The following VPS13A variants were observed in gnomAD, a reference collection of about 807,000 sequenced individuals.
VPS13A encodes intermembrane lipid transfer protein VPS13A.
In VPS13A, 264 loss-of-function variants were observed where a neutral mutation model predicts 390.9. The observed-to-expected ratio is 0.68, with a 90% CI of 0.61 to 0.75. The LOEUF (loss-of-function observed/expected upper bound fraction) is 0.75, where lower values mean the gene tolerates loss of function less well. Ranked by LOEUF, VPS13A falls within the 30% of genes least tolerant of loss-of-function variation. The pLI is 0.00. For missense variants in VPS13A, 3,409 were observed against 3,733.9 expected (o/e 0.91, Z 2.27); for synonymous variants, 1,231 against 1,227.1 (o/e 1.00, Z -0.07).
chr9:77,244,308 G>A (rs1045358211), intron 19 of VPS13A, among the ~76,000 whole-genome samples: 5 of 151,966 alleles, frequency 3.3e-5, no homozygotes, highest in Non-Finnish European at 7.4e-5. Context: ...CCTAGGAAGA[G>A]GTCTCTCTCT....
In VPS13A at chr9:77,293,528, A is replaced by G; in HGVS notation, c.3507+20A>G. 7.5e-7 allele frequency: 1 copy of G among 1,338,010 alleles called. No homozygotes were observed. Among genetic ancestry groups the G allele is most frequent in the Non-Finnish European group, 9.9e-7 (1 of 1,008,338 alleles). The allele number at this position is 1,338,010 out of a possible 1,614,324, so 82.9% of individuals were successfully genotyped here. On this transcript the variant is annotated intron_variant, in intron 32 of 71. Coordinates refer to ENST00000360280, the MANE Select transcript of VPS13A (RefSeq NM_033305.3). The stretch of plus-strand genomic sequence containing the variant: ...ATATTGGTAAGTATTTTATTAAATT[A>G]TTATTTATTTTATACTAATTGGAAA...
At chr9:77,284,282 C>T (rs975590738) in intron 31 of VPS13A, among the ~76,000 whole-genome samples, 1 of 152,064 alleles carries the variant, frequency 6.6e-6, no homozygotes, top group South Asian at 2.1e-4. Flanking sequence ...TCAGGAAAAA[C>T]TGAAGTACTT....
At chr9:77,410,325 C>T (rs1307292658) in intron 71 of VPS13A, among the ~76,000 whole-genome samples, 17 of 152,180 alleles carry the variant, frequency 1.1e-4, no homozygotes, top group Admixed American at 1.1e-3. Context: ...CAACCGGTAC[C>T]AGCCACTGCA....
At chr9:77,397,011 C>T (rs181417913) in intron 68 of VPS13A, among the ~76,000 whole-genome samples, 21 of 152,196 alleles carry the variant, frequency 1.4e-4, no homozygotes, top group Admixed American at 5.2e-4. Context: ...GTTTTTGAGA[C>T]GGAGTCTCGC....
Position 77,339,622 on chromosome 9 carries a change from A to T in VPS13A, c.6485A>T (p.Asn2162Ile), listed in dbSNP as rs769503145. The T allele has an allele frequency of 1.9e-6, 3 of 1,613,442 alleles. No homozygotes were observed. Among genetic ancestry groups the T allele is most frequent in the Non-Finnish European group, 2.5e-6 (3 of 1,179,708 alleles). ...RLHLKLLDYL[N>I]HDWKSEYHIK... ...CATTTAAAATTACTTGACTATCTCA[A>T]TCACGATTGGAAAAGTGAATATCAC... Residue 2162 changes from asparagine to isoleucine, a missense_variant, in exon 48 of 72, where the codon AAT (asparagine) becomes ATT (isoleucine). Coordinates refer to ENST00000360280, the MANE Select transcript of VPS13A (RefSeq NM_033305.3).
intron 1 of VPS13A, among the ~76,000 whole-genome samples, chr9:77,198,737 C>A (rs1825149586): frequency 6.6e-6 from 1 of 152,036 alleles, no homozygotes; most frequent in South Asian, 2.1e-4. Flanking sequence ...GATGTCGGCT[C>A]ACTGCAACCT....
At position 77,337,394 on chromosome 9, in the gene VPS13A, A is replaced by C; in HGVS notation, c.6235A>C (p.Ile2079Leu). Reference sequence around the variant, plus strand: ...AAACCCTTCTAAGGAATCATTTCTCATTAATATTGTTCCAGAAAAAGATAA... The same window carrying C: ...AAACCCTTCTAAGGAATCATTTCTCCTTAATATTGTTCCAGAAAAAGATAA... ...SKNPSKESFL[I>L]NIVPEKDNLT... The change falls in exon 47 of 72, where the codon ATT (isoleucine) becomes CTT (leucine). Residue 2079 changes from isoleucine to leucine, a missense_variant. Ile to Leu is a conservative substitution (Grantham distance 5, BLOSUM62 2). This residue lies in a region of VPS13A where 2,717 missense variants were observed against 2,917.4 expected (regional missense o/e 0.93). Coordinates refer to ENST00000360280, the MANE Select transcript of VPS13A (RefSeq NM_033305.3). The C allele has an allele frequency of 6.2e-7, 1 of 1,612,770 alleles. No homozygotes were observed. Among genetic ancestry groups the C allele is most frequent in the Non-Finnish European group, 8.5e-7 (1 of 1,178,952 alleles).
chr9:77,358,510 T>C, intron 57 of VPS13A, 72 bp downstream of exon 57: 2 of 1,310,954 alleles, frequency 1.5e-6, no homozygotes, highest in Non-Finnish European at 2.2e-6. Context: ...TATAAAAATA[T>C]GAAGTGAAAC....
At chr9:77,223,681 T>C (rs1475679411) in intron 13 of VPS13A, among the ~76,000 whole-genome samples, 2 of 151,408 alleles carry the variant, frequency 1.3e-5, no homozygotes, top group Non-Finnish European at 2.9e-5. Flanking sequence ...ATAGCAGAGA[T>C]TGGTTCTTGA....
At chr9:77,227,693 T>G (rs992483241) in intron 16 of VPS13A, among the ~76,000 whole-genome samples, 15 of 146,188 alleles carry the variant, frequency 1.0e-4, no homozygotes, top group Admixed American at 1.4e-4. Context: ...TTTTTGTGGT[T>G]TTTTTTTTGT....
intron 22 of VPS13A, among the ~76,000 whole-genome samples, chr9:77,258,604 C>A (rs1031205106): frequency 2.0e-5 from 3 of 152,068 alleles, no homozygotes; most frequent in African/African-American, 7.2e-5. Flanking sequence ...GGAAAGAAAA[C>A]CATGCTACGC....
intron 52 of VPS13A, among the ~76,000 whole-genome samples, chr9:77,345,531 G>C (rs1303549549): frequency 6.6e-6 from 1 of 151,744 alleles, no homozygotes; most frequent in Middle Eastern, 3.2e-3. Flanking sequence ...GTACCCTCTT[G>C]TTGAGCTGTC....
intron 67 of VPS13A, among the ~76,000 whole-genome samples, chr9:77,377,203 G>GTTTTTTTTTTTTTTT (rs61562443): frequency 5.8e-5 from 4 of 69,050 alleles, no homozygotes; most frequent in Admixed American, 2.0e-4. Flanking sequence ...TTTTGATGCT[G>GTTTTTTTTTTTTTTT]TTTTTTTTTT....
At chr9:77,253,852 T>C (rs1825285028) in intron 22 of VPS13A, among the ~76,000 whole-genome samples, 1 of 152,000 alleles carries the variant, frequency 6.6e-6, no homozygotes, top group African/African-American at 2.4e-5. Context: ...AAGAGTTTTA[T>C]AGTTTTAGCT....
chr9:77,280,555 C>A (rs1196300440), intron 27 of VPS13A, among the ~76,000 whole-genome samples: 1 of 151,928 alleles, frequency 6.6e-6, no homozygotes, highest in Non-Finnish European at 1.5e-5. Flanking sequence ...TTATGTGATA[C>A]AAGATGATGC....
intron 1 of VPS13A, among the ~76,000 whole-genome samples, chr9:77,180,634 G>A (rs1265339290): frequency 6.6e-6 from 1 of 152,104 alleles, no homozygotes; most frequent in Non-Finnish European, 1.5e-5. Context: ...AGGTTCATTT[G>A]TTTGCATGTG....
At position 77,369,306 on chromosome 9, in the gene VPS13A, A is replaced by G; in HGVS notation, c.8561A>G (p.Lys2854Arg). The stretch of plus-strand genomic sequence containing the variant: ...TTCATATTTTATTTTTAGGCCATTA[A>G]GCAGATGTATGTACTCATTCTTGGA... ...VIRHYSKQAI[K>R]QMYVLILGLD... The change falls in exon 63 of 72, where the codon AAG becomes AGG. Residue 2854 changes from lysine to arginine, a missense_variant. Transcript: ENST00000360280. The G allele has an allele frequency of 1.2e-6, 2 of 1,608,318 alleles. No homozygotes were observed. The highest frequency in any genetic ancestry group is 1.3e-5 in the African/African-American group (1 of 74,962).
chr9:77,312,374 G>C (rs982354162), intron 35 of VPS13A, among the ~76,000 whole-genome samples: 2 of 151,716 alleles, frequency 1.3e-5, no homozygotes, highest in African/African-American at 4.8e-5. Flanking sequence ...ATACTTGAGA[G>C]AGGATGCTAT....
chr9:77,272,873 C>G (rs1250531380), intron 23 of VPS13A, among the ~76,000 whole-genome samples: 1 of 152,036 alleles, frequency 6.6e-6, no homozygotes, highest in Non-Finnish European at 1.5e-5. Flanking sequence ...TTTCTCCAAA[C>G]TGTAAAAAAG....
Sources: gnomAD v4.1 joint callset for allele counts (sites outside exome capture counted in the v4.1 genomes callset) on GRCh38, gnomAD v4.1.1 for gene constraint, gnomAD v4.1.1 regional missense constraint, MANE v1.5 for transcripts, NCBI Gene and HGNC (gene_info 2026-07-23, HGNC 2026-07-21) for gene names.